Variants in NDST3 observed in about 807,000 individuals in gnomAD.
NDST3 encodes bifunctional heparan sulfate N-deacetylase/N-sulfotransferase 3.
NDST3 carries 58 observed loss-of-function variants against 96.1 expected under a neutral mutation model. That is an observed-to-expected ratio of 0.60 (90% CI 0.49 to 0.75). The LOEUF is 0.75. Ranked by LOEUF, NDST3 falls within the 30% of genes least tolerant of loss-of-function variation. The probability of loss-of-function intolerance (pLI) is 0.00; values close to 1 mark genes in which losing one functional copy is unlikely to be tolerated. For missense variants in NDST3, 788 were observed against 1,034.2 expected, an observed-to-expected ratio of 0.76 and a Z score of 3.27; for synonymous variants, 333 against 359.7, an observed-to-expected ratio of 0.93 and a Z score of 0.84.
In NDST3 at chr4:118,114,800, C is replaced by CCT; in HGVS notation, c.1070-6_1070-5insCT. On this transcript the variant is annotated splice_polypyrimidine_tract_variant and splice_region_variant and intron_variant, in intron 3 of 13. Coordinates refer to ENST00000296499, the MANE Select transcript of NDST3 (RefSeq NM_004784.3). ...AATTAATTGGATAATATTTCCCCCCCTAAAGGAACTGAAGAGGAAGATGAA... is the reference window on the plus strand; with the variant it reads ...AATTAATTGGATAATATTTCCCCCCCCTTAAAGGAACTGAAGAGGAAGATGAA... The CCT allele has an allele frequency of 6.2e-7, 1 of 1,613,226 alleles. No homozygotes were observed. Among genetic ancestry groups the CCT allele is most frequent in the Non-Finnish European group, 8.5e-7 (1 of 1,179,524 alleles).
At chr4:118,236,046 A>G (rs1005640279) in intron 9 of NDST3, among the ~76,000 whole-genome samples, 1 of 152,200 alleles carries the variant, frequency 6.6e-6, no homozygotes, top group African/African-American at 2.4e-5. Flanking sequence ...AAAAAAAAAC[A>G]GGTCATTGCA....
chr4:118,256,163 G>A lies in NDST3; in HGVS notation c.*451G>A, dbSNP rs1380202515. ...CAAGAAGCAAAATAAACATCACAAT[G>A]TAGCATAAAATGTCAAAAGCATAAC... is the stretch of plus-strand genomic sequence containing the variant. On this transcript the variant is annotated 3_prime_UTR_variant, in exon 14 of 14. Transcript: ENST00000296499. The A allele has an allele frequency of 6.6e-6, 1 of 152,218 alleles. No individual in the cohort carries two copies. Among genetic ancestry groups the A allele is most frequent in the Non-Finnish European group, 1.5e-5 (1 of 68,082 alleles). 9.4% of individuals were successfully genotyped at this position (152,218 alleles called of 1,614,324 possible). A position where few individuals can be genotyped will look rare whatever the true frequency, so the allele number is the denominator to read the frequency against.
intron 5 of NDST3, among the ~76,000 whole-genome samples, chr4:118,139,365 C>G (rs1283143485): frequency 6.6e-6 from 1 of 152,218 alleles, no homozygotes; most frequent in Admixed American, 6.5e-5. Flanking sequence ...AAGGCTCTAA[C>G]AGATTTCCTG....
chr4:118,254,067 C>T (rs1156975768), intron 13 of NDST3, among the ~76,000 whole-genome samples: 1 of 151,846 alleles, frequency 6.6e-6, no homozygotes, highest in Non-Finnish European at 1.5e-5. Flanking sequence ...ATGATAAAAC[C>T]CCATCTCTAC....
rs560270759 is a variant in NDST3, at chr4:118,068,295, A to C, written c.981+13404A>C. The stretch of plus-strand genomic sequence containing the variant: ...CAGGCCCATGCCAGCACACCCAAGT[A>C]TACCTGTACTTTTATTGTTGATGAA... On this transcript the variant is annotated intron_variant, in intron 2 of 13. Transcript: ENST00000296499. Among the ~76,000 whole-genome samples, 9 of 151,078 alleles carry C rather than the reference A, an allele frequency of 6.0e-5. No homozygotes were observed. The South Asian group carries it at 1.9e-3, about 31-fold the overall frequency.
Position 118,206,173 on chromosome 4 carries a change from TC to T in NDST3, c.1540-18314del, listed in dbSNP as rs1327791609. Among the ~76,000 whole-genome samples, 2 of 144,002 alleles carry T rather than the reference TC, an allele frequency of 1.4e-5. 1 individual carries two copies. Among genetic ancestry groups the T allele is most frequent in the Non-Finnish European group, 3.1e-5 (2 of 65,130 alleles). 94.5% of individuals were successfully genotyped at this position (144,002 alleles called of 152,430 possible). On this transcript the variant is annotated intron_variant, in intron 6 of 13. Coordinates refer to ENST00000296499, the MANE Select transcript of NDST3 (RefSeq NM_004784.3). The stretch of plus-strand genomic sequence containing the variant: ...AACACCCAACACCCACCCACATTCA[TC>T]CCCTTTTCATGCTTTCCTTCCTGTC...
intron 6 of NDST3, among the ~76,000 whole-genome samples, chr4:118,210,986 A>G (rs1738754868): frequency 6.6e-6 from 1 of 152,148 alleles, no homozygotes; most frequent in Admixed American, 6.5e-5. Context: ...TCCATGTCCC[A>G]GATACTAAGG....
At chr4:118,130,641 C>T (rs1482324038) in intron 4 of NDST3, among the ~76,000 whole-genome samples, 1 of 152,102 alleles carries the variant, frequency 6.6e-6, no homozygotes, top group Non-Finnish European at 1.5e-5. Flanking sequence ...TCTCTGTGTG[C>T]CTACTATTAC....
At chr4:118,218,280 A>T (rs949721914) in intron 6 of NDST3, among the ~76,000 whole-genome samples, 2 of 152,006 alleles carry the variant, frequency 1.3e-5, no homozygotes, top group African/African-American at 2.4e-5. Context: ...GAACATCGAC[A>T]TGAAAATCCT....
chr4:118,200,121 C>T (rs2125978144), intron 6 of NDST3, among the ~76,000 whole-genome samples: 2 of 152,334 alleles, frequency 1.3e-5, no homozygotes, highest in South Asian at 4.1e-4. Context: ...CTATGTTCTT[C>T]CCTTGAGGGT....
intron 10 of NDST3, among the ~76,000 whole-genome samples, chr4:118,238,607 G>C (rs571847108): frequency 1.3e-5 from 2 of 152,260 alleles, no homozygotes; most frequent in East Asian, 3.9e-4. Context: ...TACTGTTCAT[G>C]TGTTTATCCG....
At chr4:118,242,623 C>G (rs942739695) in intron 12 of NDST3, among the ~76,000 whole-genome samples, 3 of 152,124 alleles carry the variant, frequency 2.0e-5, no homozygotes, top group Non-Finnish European at 4.4e-5. Flanking sequence ...GTACTATTAT[C>G]GCTCCTAAAC....
chr4:118,072,824 T>C (rs1389312759), intron 2 of NDST3, among the ~76,000 whole-genome samples: 1 of 152,146 alleles, frequency 6.6e-6, no homozygotes, highest in Non-Finnish European at 1.5e-5. Flanking sequence ...AAGGGTACGC[T>C]TCCAGCTTTT....
At chr4:118,244,741 C>A (rs1741207308) in intron 12 of NDST3, among the ~76,000 whole-genome samples, 1 of 152,032 alleles carries the variant, frequency 6.6e-6, no homozygotes, top group Non-Finnish European at 1.5e-5. Flanking sequence ...TCACAATAAG[C>A]CCCCAATGTC....
intron 6 of NDST3, among the ~76,000 whole-genome samples, chr4:118,153,296 G>C (rs760785408): frequency 5.3e-5 from 8 of 152,054 alleles, no homozygotes; most frequent in Non-Finnish European, 1.2e-4. Flanking sequence ...AGTTCCAATA[G>C]GCATTTATAT....
At chr4:118,067,034 CAGAG>C (rs796550686) in intron 2 of NDST3, among the ~76,000 whole-genome samples, 7 of 147,848 alleles carry the variant, frequency 4.7e-5, no homozygotes, top group African/African-American at 1.7e-4. Flanking sequence ...GTTGAGTTCA[CAGAG>C]AAAGACAACT....
chr4:118,234,496 A>G (rs1264837805), intron 9 of NDST3, among the ~76,000 whole-genome samples: 1 of 152,162 alleles, frequency 6.6e-6, no homozygotes, highest in Non-Finnish European at 1.5e-5. Flanking sequence ...ATATAATTAT[A>G]GAATAAAATG....
At chr4:118,226,428 G>A (rs1350896261) in intron 7 of NDST3, among the ~76,000 whole-genome samples, 2 of 152,116 alleles carry the variant, frequency 1.3e-5, no homozygotes, top group Admixed American at 1.3e-4. Flanking sequence ...TCTTTAGATA[G>A]TAGTATTTTG....
intron 2 of NDST3, among the ~76,000 whole-genome samples, chr4:118,083,834 T>A (rs1228039298): frequency 6.6e-6 from 1 of 152,132 alleles, no homozygotes; most frequent in African/African-American, 2.4e-5. Flanking sequence ...TCAAACCCTG[T>A]CTCACTCTAG....
Sources: gnomAD v4.1 joint callset for allele counts (sites outside exome capture counted in the v4.1 genomes callset) on GRCh38, gnomAD v4.1.1 for gene constraint, MANE v1.5 for transcripts, NCBI Gene and HGNC (gene_info 2026-07-23, HGNC 2026-07-21) for gene names.